Variants in FRK observed in about 807,000 individuals in gnomAD.
The protein encoded by FRK is tyrosine-protein kinase FRK.
A neutral mutation model predicts 56.4 loss-of-function variants in FRK; 51 were observed. The ratio of observed to expected loss-of-function variants is 0.90; its 90% CI spans 0.72 to 1.14. The LOEUF is 1.14. Ranked by LOEUF, FRK falls within the 50% of genes most tolerant of loss-of-function variation. The probability of loss-of-function intolerance (pLI) is 0.00; values close to 1 mark genes in which losing one functional copy is unlikely to be tolerated. For synonymous variants in FRK, 245 were observed against 217.9 expected (o/e 1.12, Z -1.10); for missense variants, 570 against 601.4 (o/e 0.95, Z 0.55).
intron 1 of FRK, among the ~76,000 whole-genome samples, chr6:116,056,895 T>C (rs561261267): frequency 9.9e-5 from 15 of 152,210 alleles, no homozygotes; most frequent in Non-Finnish European, 2.1e-4. Context: ...AGATATTCAG[T>C]AAAGGTGAAA....
At chr6:115,998,737 G>A (rs1293830397) in intron 2 of FRK, among the ~76,000 whole-genome samples, 1 of 152,118 alleles carries the variant, frequency 6.6e-6, no homozygotes, top group East Asian at 1.9e-4. Flanking sequence ...TAGAGGGCCT[G>A]GCACACAGTG....
Position 115,968,757 on chromosome 6 carries a change from TCC to T in FRK, c.467-20_467-19del, listed in dbSNP as rs1773691250. The T allele has an allele frequency of 1.2e-6, 2 of 1,605,842 alleles. No individual in the cohort carries two copies. Among genetic ancestry groups the T allele is most frequent in the Non-Finnish European group, 1.7e-6 (2 of 1,175,668 alleles). On this transcript the variant is annotated intron_variant, in intron 2 of 7. Transcript: ENST00000606080. ...ATCTAAAACTGGAACCCAAAATAATTCCTGTTAATAAACTTCTTGCTAAAACC... is the reference window on the plus strand; with the variant it reads ...ATCTAAAACTGGAACCCAAAATAATTTGTTAATAAACTTCTTGCTAAAACC...
chr6:116,021,918 G>A (rs952535519), intron 1 of FRK, among the ~76,000 whole-genome samples: 4 of 151,868 alleles, frequency 2.6e-5, no homozygotes, highest in African/African-American at 9.7e-5. Context: ...ATTAATAAAA[G>A]TCATAAGGCT....
At chr6:116,049,439 AATAG>A (rs1484153051) in intron 1 of FRK, among the ~76,000 whole-genome samples, 1 of 152,232 alleles carries the variant, frequency 6.6e-6, no homozygotes, top group Admixed American at 6.5e-5. Context: ...CTCAGGAGAA[AATAG>A]ATAGTCTCAC....
the FRK span, among the ~76,000 whole-genome samples, chr6:116,089,753 C>T: frequency 1.3e-5 from 2 of 152,174 alleles, no homozygotes; most frequent in Non-Finnish European, 2.9e-5. Context: ...TTAATCACCT[C>T]TTCAAAGGCC....
chr6:116,099,037 T>C, the FRK span, among the ~76,000 whole-genome samples: 2 of 152,204 alleles, frequency 1.3e-5, no homozygotes, highest in African/African-American at 4.8e-5. Context: ...ATATATATAA[T>C]TTGTTAATCA....
chr6:116,071,758 C>G, the FRK span, among the ~76,000 whole-genome samples: 21 of 152,264 alleles, frequency 1.4e-4, no homozygotes, highest in South Asian at 1.2e-3. Context: ...GTGTCAGGCA[C>G]TAGGCTAGTG....
At chr6:116,049,015 C>G (rs1777091637) in intron 1 of FRK, among the ~76,000 whole-genome samples, 1 of 151,690 alleles carries the variant, frequency 6.6e-6, no homozygotes, top group African/African-American at 2.4e-5. Context: ...AAATTAAGCC[C>G]TTATAACCTC....
chr6:115,982,127 A>G (rs966089744), intron 2 of FRK, among the ~76,000 whole-genome samples: 1 of 152,116 alleles, frequency 6.6e-6, no homozygotes, highest in African/African-American at 2.4e-5. Context: ...CCAGCATCCT[A>G]CAATCCACTG....
At chr6:116,096,398 CTCTGTG>C in the FRK span, among the ~76,000 whole-genome samples, 1 of 152,294 alleles carries the variant, frequency 6.6e-6, no homozygotes, top group South Asian at 2.1e-4. Context: ...CCAATCAATA[CTCTGTG>C]TCTAACTAAA....
Position 115,944,164 on chromosome 6 carries a change from A to G in FRK, c.1140+80T>C, listed in dbSNP as rs962331407. ...ACTTGGAGAAACATTGTTTTAAAGAATAACAGTATATCTATTGGTCTACTA... is the reference window on the plus strand; with the variant it reads ...ACTTGGAGAAACATTGTTTTAAAGAGTAACAGTATATCTATTGGTCTACTA... On this transcript the variant is annotated intron_variant, in intron 6 of 7. Coordinates refer to ENST00000606080, the MANE Select transcript of FRK (RefSeq NM_002031.3). 56 of 1,143,224 alleles carry G rather than the reference A, an allele frequency of 4.9e-5. No individual in the cohort carries two copies. The African/African-American group carries it at 7.8e-4, about 16-fold the overall frequency. The allele number at this position is 1,143,224 out of a possible 1,614,324, so 70.8% of individuals were successfully genotyped here. A position where few individuals can be genotyped will look rare whatever the true frequency, so the allele number is the denominator to read the frequency against.
At chr6:115,966,288 G>T (rs1773573479) in intron 4 of FRK, among the ~76,000 whole-genome samples, 1 of 152,036 alleles carries the variant, frequency 6.6e-6, no homozygotes, top group Non-Finnish European at 1.5e-5. Flanking sequence ...GGTCCATATT[G>T]ATTTTTGTGT....
rs1772068892 is a variant in FRK at position 115,937,269 on chromosome 6, C to A, written c.*5145G>T. 1 of 152,130 alleles carries A rather than the reference C, an allele frequency of 6.6e-6. No homozygotes were observed. The highest frequency in any genetic ancestry group is 2.4e-5 in the African/African-American group (1 of 41,400). 9.4% of individuals were successfully genotyped at this position (152,130 alleles called of 1,614,324 possible). A position where few individuals can be genotyped will look rare whatever the true frequency, so the allele number is the denominator to read the frequency against. ...AGAAATAAAATCCTTTACAGACAAG[C>A]AAATGCTGAGAGATTTTGTTACCAC... is the stretch of plus-strand genomic sequence containing the variant. On this transcript the variant is annotated 3_prime_UTR_variant, in exon 8 of 8. Transcript: ENST00000606080.
chr6:115,959,674 G>A (rs1267351849), intron 4 of FRK, among the ~76,000 whole-genome samples: 2 of 152,258 alleles, frequency 1.3e-5, no homozygotes, highest in East Asian at 1.9e-4. Flanking sequence ...GCCCCATGGA[G>A]GCTAACATTT....
chr6:115,969,575 C>G (rs1773722778), intron 2 of FRK, among the ~76,000 whole-genome samples: 1 of 152,166 alleles, frequency 6.6e-6, no homozygotes, highest in Non-Finnish European at 1.5e-5. Flanking sequence ...TGGTAGCCAC[C>G]TGGAGCCGAA....
At chr6:116,063,840 T>TA (rs575032678), upstream of FRK, among the ~76,000 whole-genome samples, 22 of 151,976 alleles carry the variant, frequency 1.4e-4, no homozygotes, top group East Asian at 5.8e-4. Context: ...TATTTTTTTT[T>TA]AAAAAAAGTA....
chr6:115,978,715 T>C (rs1774080908), intron 2 of FRK, among the ~76,000 whole-genome samples: 1 of 152,198 alleles, frequency 6.6e-6, no homozygotes. Flanking sequence ...CTCATTGTGC[T>C]ACCACTTGTA....
intron 1 of FRK, among the ~76,000 whole-genome samples, chr6:116,031,340 C>T (rs1035573422): frequency 1.3e-5 from 2 of 152,044 alleles, no homozygotes; most frequent in African/African-American, 4.8e-5. Flanking sequence ...ATTTGTTATA[C>T]ATATATCACC....
intron 1 of FRK, chr6:116,039,645 T>C (rs1776636204): frequency 1.3e-5 from 10 of 751,926 alleles, no homozygotes; most frequent in Middle Eastern, 3.5e-4. Flanking sequence ...TTACTGTTTA[T>C]ATCTTCACCC....
Sources: gnomAD v4.1 joint callset for allele counts (sites outside exome capture counted in the v4.1 genomes callset) on GRCh38, gnomAD v4.1.1 for gene constraint, MANE v1.5 for transcripts, NCBI Gene and HGNC (gene_info 2026-07-23, HGNC 2026-07-21) for gene names.